Variants in MECR observed in about 807,000 individuals in gnomAD.
MECR encodes enoyl-[acyl-carrier-protein] reductase, mitochondrial.
MECR carries 37 observed loss-of-function variants against 49.1 expected under a neutral mutation model. The ratio of observed to expected loss-of-function variants is 0.75; its 90% CI spans 0.58 to 0.99. MECR has a LOEUF of 0.99. Ranked by LOEUF, MECR falls within the 50% of genes least tolerant of loss-of-function variation. MECR has a pLI of 0.00. For missense variants in MECR, 470 were observed against 479.6 expected (o/e 0.98, Z 0.19); for synonymous variants, 198 against 191.1 (o/e 1.04, Z -0.30).
intron 1 of MECR, among the ~76,000 whole-genome samples, chr1:29,218,913 GT>G (rs1327111082): frequency 3.3e-5 from 5 of 152,122 alleles, no homozygotes; most frequent in Non-Finnish European, 5.9e-5. Flanking sequence ...TCATACTATT[GT>G]TCTGCTTTTA....
At chr1:29,211,570 T>C (rs377498191) in intron 3 of MECR, among the ~76,000 whole-genome samples, 15 of 152,362 alleles carry the variant, frequency 9.8e-5, no homozygotes, top group African/African-American at 3.1e-4. Context: ...GCAAAGATCA[T>C]TGCATATATT....
downstream of MECR, among the ~76,000 whole-genome samples, chr1:29,189,188 T>G (rs1223782339): frequency 1.4e-5 from 2 of 139,614 alleles, no homozygotes; most frequent in South Asian, 4.3e-4. Context: ...CCGCCTGCCT[T>G]GGCCCCCCAA....
Position 29,206,827 on chromosome 1 carries a change from G to C in MECR, c.485C>G (p.Ala162Gly), listed in dbSNP as rs772846752. ...VPSDIPLQSA[A>G]TLGVNPCTAY... is the part of the protein sequence containing the mutation. ...TGTGCAGGGATTGACACCCAGGGTG[G>C]CAGCGCTCTGAAGAGGGATGTCACT... The change falls in exon 4 of 10, where the codon GCC (alanine) becomes GGC (glycine). Residue 162 changes from alanine to glycine, a missense_variant. Physicochemically the swap from Ala to Gly is moderately conservative, Grantham distance 60. Transcript: ENST00000263702. The C allele has an allele frequency of 6.2e-7, 1 of 1,614,182 alleles. No individual in the cohort carries two copies. Among genetic ancestry groups the C allele is most frequent in the Non-Finnish European group, 8.5e-7 (1 of 1,180,034 alleles).
the MECR span, among the ~76,000 whole-genome samples, chr1:29,178,353 C>CTTCTTTTTTTTTTTTTTTTT: frequency 2.9e-4 from 37 of 127,898 alleles, no homozygotes; most frequent in African/African-American, 8.9e-4. Flanking sequence ...GTTTCAATTA[C>CTTCTTTTTTTTTTTTTTTTT]TTTTTTTTTT....
intron 3 of MECR, among the ~76,000 whole-genome samples, chr1:29,207,999 T>G (rs77109435): frequency 6.7e-6 from 1 of 149,616 alleles, no homozygotes; most frequent in Middle Eastern, 3.2e-3. Flanking sequence ...ACTCACATGT[T>G]TTTTTTTTTT....
downstream of MECR, among the ~76,000 whole-genome samples, chr1:29,190,146 G>T (rs553320037): frequency 1.1e-4 from 17 of 151,038 alleles, no homozygotes; most frequent in South Asian, 3.6e-3. Context: ...AGGCTGAGGC[G>T]GGCGGATCAC....
intron 3 of MECR, among the ~76,000 whole-genome samples, chr1:29,214,652 C>T (rs994514976): frequency 1.3e-5 from 2 of 152,104 alleles, no homozygotes; most frequent in East Asian, 1.9e-4. Flanking sequence ...TGAGCCACCA[C>T]GCCTGGCCCC....
chr1:29,200,475 A>G lies in MECR; in HGVS notation c.830+41T>C, dbSNP rs765898406. On this transcript the variant is annotated intron_variant, in intron 7 of 9. Coordinates refer to ENST00000263702, the MANE Select transcript of MECR (RefSeq NM_016011.5). ...ATGGTCCTCCCAGCTAAAGACCTGG[A>G]GAGCTCTGGCGAGCTGGACCTGCAG... 7 of 1,580,788 alleles carry G rather than the reference A, an allele frequency of 4.4e-6. No homozygotes were observed. In the Admixed American group the frequency reaches 6.7e-5, roughly 15 times the overall value.
At chr1:29,217,805 A>T (rs1267562758) in intron 1 of MECR, among the ~76,000 whole-genome samples, 1 of 152,160 alleles carries the variant, frequency 6.6e-6, no homozygotes, top group Non-Finnish European at 1.5e-5. Context: ...TGTTAGTTGC[A>T]GAGTGTGGGC....
the MECR span, among the ~76,000 whole-genome samples, chr1:29,175,694 C>CAAAAAAAAAA: frequency 2.4e-3 from 93 of 38,580 alleles, 6 homozygotes; most frequent in South Asian, 0.017. Flanking sequence ...GACGCTGTCT[C>CAAAAAAAAAA]AAAAAAAAAA....
At chr1:29,216,900 C>G in intron 1 of MECR, 1 of 1,094,592 alleles carries the variant, frequency 9.1e-7, no homozygotes, top group South Asian at 1.8e-5. Flanking sequence ...TTTGGAAGGC[C>G]GAGACAGGCG....
At chr1:29,200,636 A>G in intron 6 of MECR, 47 bp from the exon 7 acceptor site, 4 of 1,553,704 alleles carry the variant, frequency 2.6e-6, no homozygotes, top group Non-Finnish European at 1.8e-6. Flanking sequence ...CGCTCTACAT[A>G]TGGGGTCTGA....
intron 3 of MECR, among the ~76,000 whole-genome samples, chr1:29,214,486 C>T (rs944204188): frequency 1.3e-5 from 2 of 151,882 alleles, no homozygotes; most frequent in East Asian, 1.9e-4. Flanking sequence ...CTTAGTCTCC[C>T]GGGTAGCTGT....
At chr1:29,211,122 ACT>A (rs1677917020) in intron 3 of MECR, among the ~76,000 whole-genome samples, 1 of 140,586 alleles carries the variant, frequency 7.1e-6, no homozygotes, top group South Asian at 2.2e-4. Context: ...CAAGAGTCTT[ACT>A]CTGTTGCCCA....
At chr1:29,187,487 G>A in the MECR span, among the ~76,000 whole-genome samples, 1 of 151,878 alleles carries the variant, frequency 6.6e-6, no homozygotes, top group African/African-American at 2.4e-5. Context: ...CTGGGTTACG[G>A]GCGTGAGCCA....
At chr1:29,212,427 A>C (rs540850212) in intron 3 of MECR, among the ~76,000 whole-genome samples, 1 of 152,296 alleles carries the variant, frequency 6.6e-6, no homozygotes, top group African/African-American at 2.4e-5. Flanking sequence ...AAAGATAAAC[A>C]AAACAAAACA....
intron 1 of MECR, among the ~76,000 whole-genome samples, chr1:29,217,475 A>G (rs1242107144): frequency 6.6e-6 from 1 of 151,984 alleles, no homozygotes; most frequent in Non-Finnish European, 1.5e-5. Flanking sequence ...TCGGCCTCCT[A>G]AAGTGCTGGG....
the MECR span, chr1:29,172,572 G>C: frequency 6.6e-6 from 1 of 152,224 alleles, no homozygotes; most frequent in Non-Finnish European, 1.5e-5. Context: ...AATTACAGAC[G>C]TGAGCCACCA....
intron 7 of MECR, chr1:29,200,289 C>T (rs1675001273): frequency 1.5e-5 from 6 of 396,532 alleles, no homozygotes; most frequent in Middle Eastern, 7.1e-4. Flanking sequence ...TCTGGGGTCC[C>T]TTGGAAAAAT....
Sources: allele counts gnomAD v4.1 joint callset (sites outside exome capture counted in the v4.1 genomes callset), GRCh38; gene constraint gnomAD v4.1.1; transcripts MANE v1.5; gene names NCBI Gene and HGNC (gene_info 2026-07-23, HGNC 2026-07-21).